The following TRPM3 variants were observed in gnomAD, a reference collection of about 807,000 sequenced individuals.
The protein encoded by TRPM3 is transient receptor potential cation channel subfamily M member 3.
In TRPM3, 77 loss-of-function variants were observed where a neutral mutation model predicts 181.2. That is an observed-to-expected ratio of 0.42 (90% CI 0.35 to 0.51). The LOEUF (loss-of-function observed/expected upper bound fraction) is 0.51, where lower values mean the gene tolerates loss of function less well. Among genes scored for constraint, TRPM3 ranks in the 20% least tolerant of loss-of-function variants. TRPM3 has a pLI of 0.01. For missense variants in TRPM3, 1,759 were observed against 2,196.7 expected, an observed-to-expected ratio of 0.80 and a Z score of 3.98; for synonymous variants, 745 against 796.4, an observed-to-expected ratio of 0.94 and a Z score of 1.09.
intron 1 of TRPM3, among the ~76,000 whole-genome samples, chr9:70,912,655 A>G (rs2096549876): frequency 6.6e-6 from 1 of 152,224 alleles, no homozygotes; most frequent in Non-Finnish European, 1.5e-5. Context: ...AAATGTGGAT[A>G]TTGATCCTTA....
chr9:70,783,541 G>C lies in TRPM3; in HGVS notation c.1148+564C>G, dbSNP rs538966555. ...AGCATTAAGAGCCTAACAGACCAAG[G>C]AAAGGGCATGAGGGGTTCAACAGGA... is the stretch of plus-strand genomic sequence containing the variant. On this transcript the variant is annotated intron_variant, in intron 7 of 25. Coordinates refer to ENST00000677713, the MANE Select transcript of TRPM3 (RefSeq NM_001366145.2). 2.6e-5 allele frequency among the ~76,000 whole-genome samples: 4 copies of C among 152,286 alleles called. No homozygotes were observed. In the South Asian group the frequency reaches 8.3e-4, roughly 32 times the overall value.
chr9:70,699,119 T>C (rs1354863310), intron 8 of TRPM3, among the ~76,000 whole-genome samples: 2 of 152,208 alleles, frequency 1.3e-5, no homozygotes, highest in African/African-American at 2.4e-5. Context: ...TCCCCATGTA[T>C]ATTCAGCCTC....
At chr9:70,699,410 G>A in intron 8 of TRPM3, among the ~76,000 whole-genome samples, 1 of 152,100 alleles carries the variant, frequency 6.6e-6, no homozygotes, top group East Asian at 1.9e-4. Flanking sequence ...AGAGAAAAGT[G>A]AACATTAAAA....
chr9:71,193,942 C>A (rs1308709973), intron 1 of TRPM3, among the ~76,000 whole-genome samples: 1 of 151,712 alleles, frequency 6.6e-6, no homozygotes, highest in African/African-American at 2.4e-5. Context: ...CAGCGTGCAC[C>A]CAAACCATCA....
chr9:70,591,221 A>G lies in TRPM3; in HGVS notation c.3049-16T>C. 6.2e-7 allele frequency: 1 copy of G among 1,608,308 alleles called. No individual in the cohort carries two copies. The highest frequency in any genetic ancestry group is 8.5e-7 in the Non-Finnish European group (1 of 1,174,822). ...TGTCTATCATCTGGAAGGGTGGGGA[A>G]GCAGAGGGAGAAACAAGAGAAAACC... On this transcript the variant is annotated splice_polypyrimidine_tract_variant and intron_variant, in intron 21 of 25. Transcript: ENST00000677713.
At chr9:70,928,028 G>A (rs1342077350) in intron 1 of TRPM3, among the ~76,000 whole-genome samples, 1 of 152,088 alleles carries the variant, frequency 6.6e-6, no homozygotes, top group Non-Finnish European at 1.5e-5. Context: ...TTCTTTCTTA[G>A]TTTGTGTGAC....
chr9:71,211,363 T>G (rs950437698), intron 1 of TRPM3, among the ~76,000 whole-genome samples: 1 of 146,614 alleles, frequency 6.8e-6, no homozygotes, highest in Non-Finnish European at 1.5e-5. Flanking sequence ...ATGATTGTGT[T>G]TTTTTTTTTT....
chr9:70,851,886 G>A (rs1343337094), intron 3 of TRPM3, among the ~76,000 whole-genome samples: 2 of 152,044 alleles, frequency 1.3e-5, no homozygotes, highest in African/African-American at 4.8e-5. Flanking sequence ...GGGAGGCCAA[G>A]GCAGGTGGAT....
chr9:71,220,444 C>T (rs1297325335), intron 1 of TRPM3, among the ~76,000 whole-genome samples: 2 of 151,560 alleles, frequency 1.3e-5, no homozygotes, highest in African/African-American at 4.8e-5. Flanking sequence ...AAGCTAATTC[C>T]AGACCATGTA....
chr9:71,393,177 G>T (rs2093104458), intron 1 of TRPM3, among the ~76,000 whole-genome samples: 1 of 152,164 alleles, frequency 6.6e-6, no homozygotes, highest in African/African-American at 2.4e-5. Flanking sequence ...AAGGGAGTCA[G>T]AGAAGTGAAT....
intron 1 of TRPM3, among the ~76,000 whole-genome samples, chr9:70,912,597 T>TA (rs1217582842): frequency 6.6e-6 from 1 of 152,142 alleles, no homozygotes; most frequent in African/African-American, 2.4e-5. Flanking sequence ...TAGCTTATCT[T>TA]AAAATCAAAC....
intron 1 of TRPM3, among the ~76,000 whole-genome samples, chr9:70,911,634 A>G (rs1447455820): frequency 6.6e-6 from 1 of 152,152 alleles, no homozygotes; most frequent in African/African-American, 2.4e-5. Flanking sequence ...TGAATTTATT[A>G]GTGATTAAAA....
chr9:70,962,522 T>C (rs2097146623), intron 1 of TRPM3, among the ~76,000 whole-genome samples: 1 of 152,144 alleles, frequency 6.6e-6, no homozygotes. Context: ...CACTCACCTA[T>C]GGTAAGGACG....
chr9:70,823,061 T>C (rs1297407730), intron 6 of TRPM3, among the ~76,000 whole-genome samples: 1 of 152,166 alleles, frequency 6.6e-6, no homozygotes, highest in African/African-American at 2.4e-5. Flanking sequence ...TCTGCACTGC[T>C]GGCCTCTCCT....
At chr9:70,919,155 T>G (rs1041925670) in intron 1 of TRPM3, among the ~76,000 whole-genome samples, 2 of 152,126 alleles carry the variant, frequency 1.3e-5, no homozygotes, top group Admixed American at 6.5e-5. Flanking sequence ...ATTTTCACCC[T>G]CAGTAAAAAA....
intron 1 of TRPM3, among the ~76,000 whole-genome samples, chr9:71,043,191 A>T (rs934655682): frequency 5.9e-5 from 9 of 152,140 alleles, no homozygotes; most frequent in African/African-American, 2.2e-4. Flanking sequence ...ATTCTCTCTC[A>T]ATTCCTTAGT....
chr9:70,928,630 G>A (rs532905515), intron 1 of TRPM3, among the ~76,000 whole-genome samples: 91 of 152,306 alleles, frequency 6.0e-4, no homozygotes, highest in African/African-American at 2.1e-3. Flanking sequence ...GCTGGCACCT[G>A]AACATTTTCG....
At chr9:71,073,631 T>C (rs2063066593) in intron 1 of TRPM3, among the ~76,000 whole-genome samples, 1 of 151,416 alleles carries the variant, frequency 6.6e-6, no homozygotes, top group Non-Finnish European at 1.5e-5. Flanking sequence ...TTCCATTCCA[T>C]AGATTATCAA....
intron 1 of TRPM3, among the ~76,000 whole-genome samples, chr9:71,153,751 G>A (rs1423042854): frequency 6.6e-6 from 1 of 152,028 alleles, no homozygotes; most frequent in Non-Finnish European, 1.5e-5. Context: ...AGAGTGATTT[G>A]CACCCTCATT....
Sources: gnomAD v4.1 joint callset for allele counts (sites outside exome capture counted in the v4.1 genomes callset) on GRCh38, gnomAD v4.1.1 for gene constraint, MANE v1.5 for transcripts, NCBI Gene and HGNC (gene_info 2026-07-23, HGNC 2026-07-21) for gene names.